Variants in DCAKD observed in about 807,000 individuals in gnomAD.
DCAKD encodes the protein dephospho-CoA kinase domain containing, also known as dephospho-CoA kinase domain-containing protein.
Under a neutral mutation model 18.7 loss-of-function variants are expected in DCAKD, and 15 were observed. The ratio of observed to expected loss-of-function variants is 0.80; its 90% CI spans 0.54 to 1.24. The LOEUF (loss-of-function observed/expected upper bound fraction) is 1.24, where lower values mean the gene tolerates loss of function less well. DCAKD is among the 50% of genes most tolerant of loss of function. DCAKD has a pLI of 0.00. For synonymous variants in DCAKD, 130 were observed against 133.0 expected (o/e 0.98, Z 0.16); for missense variants, 301 against 322.0 (o/e 0.93, Z 0.50).
upstream of DCAKD, among the ~76,000 whole-genome samples, chr17:45,053,443 T>TG (rs2053748280): frequency 6.7e-6 from 1 of 148,334 alleles, no homozygotes; most frequent in African/African-American, 2.5e-5. Flanking sequence ...GCTTTTGAGA[T>TG]GGAGTTTTGC....
chr17:45,029,249 G>A (rs1396651652), intron 4 of DCAKD, among the ~76,000 whole-genome samples: 7 of 152,176 alleles, frequency 4.6e-5, no homozygotes, highest in African/African-American at 9.7e-5. Flanking sequence ...GGCTTTCAAC[G>A]ACAGCCCATG....
At chr17:45,052,350 T>A (rs2053725360), upstream of DCAKD, among the ~76,000 whole-genome samples, 1 of 152,162 alleles carries the variant, frequency 6.6e-6, no homozygotes, top group Non-Finnish European at 1.5e-5. Flanking sequence ...AAGAGCACTT[T>A]GTGGGATTAT....
upstream of DCAKD, among the ~76,000 whole-genome samples, chr17:45,053,191 A>AC (rs1264772489): frequency 7.1e-6 from 1 of 140,450 alleles, no homozygotes; most frequent in East Asian, 2.0e-4. Flanking sequence ...AAAAAAAAAA[A>AC]AAAAACTAGT....
chr17:45,026,936 GAC>G, intron 4 of DCAKD: 1 of 440,360 alleles, frequency 2.3e-6, no homozygotes, highest in Non-Finnish European at 3.0e-6. Context: ...CAGCACCTCC[GAC>G]AGCCCTTCCT....
chr17:45,056,664 G>C (rs1432899969), intron 1 of DCAKD, among the ~76,000 whole-genome samples: 1 of 152,000 alleles, frequency 6.6e-6, no homozygotes, highest in Non-Finnish European at 1.5e-5. Flanking sequence ...TAGTAGAGAC[G>C]GGGTTTCACC....
At chr17:45,047,653 C>T (rs754845381) in intron 1 of DCAKD, among the ~76,000 whole-genome samples, 1 of 151,988 alleles carries the variant, frequency 6.6e-6, no homozygotes, top group Non-Finnish European at 1.5e-5. Flanking sequence ...TACAGGCACA[C>T]GCCACCACAC....
chr17:45,054,411 C>A (rs2053758542), upstream of DCAKD, among the ~76,000 whole-genome samples: 1 of 152,072 alleles, frequency 6.6e-6, no homozygotes, highest in South Asian at 2.1e-4. Flanking sequence ...CCATGCCAGG[C>A]TAATTTTTAC....
In DCAKD at chr17:45,034,997, G is replaced by T; in HGVS notation, c.-112C>A. The T allele has an allele frequency of 8.9e-7, 1 of 1,118,490 alleles. No individual in the cohort carries two copies. The highest frequency in any genetic ancestry group is 2.1e-5 in the Admixed American group (1 of 48,246). The allele number at this position is 1,118,490 out of a possible 1,614,324, so 69.3% of individuals were successfully genotyped here. A position where few individuals can be genotyped will look rare whatever the true frequency, so the allele number is the denominator to read the frequency against. ...CGGTCCACCAGAGGAGTGCCAGAAG[G>T]ACCTGCTTGGGAGAGGCCAGCGGGA... On this transcript the variant is annotated splice_region_variant and 5_prime_UTR_variant, in exon 2 of 5. Coordinates refer to ENST00000651974, the MANE Select transcript of DCAKD (RefSeq NM_001288655.2).
intron 3 of DCAKD, among the ~76,000 whole-genome samples, chr17:45,032,990 T>C (rs1286450091): frequency 6.6e-6 from 1 of 152,158 alleles, no homozygotes; most frequent in African/African-American, 2.4e-5. Context: ...CTCCCACTTC[T>C]GGTGACTGAC....
chr17:45,032,975 T>C (rs1270423873), intron 3 of DCAKD, among the ~76,000 whole-genome samples: 1 of 152,084 alleles, frequency 6.6e-6, no homozygotes, highest in Non-Finnish European at 1.5e-5. Flanking sequence ...CGCCCTCTGT[T>C]CTCCCTCCCA....
At chr17:45,030,476 C>A (rs967063184) in intron 3 of DCAKD, among the ~76,000 whole-genome samples, 1 of 152,168 alleles carries the variant, frequency 6.6e-6, no homozygotes, top group Non-Finnish European at 1.5e-5. Flanking sequence ...GAGGATTCCA[C>A]GAATGAGAAC....
rs2053258494 is a variant in DCAKD at position 45,034,910 on chromosome 17, G to GA, written c.-26dup. The stretch of plus-strand genomic sequence containing the variant: ...TCTTCCAGGAAAGAGAGCTGTCCGC[G>GA]AGACTACGGAGCCAGGAGCTACAGA... On this transcript the variant is annotated 5_prime_UTR_variant, in exon 2 of 5. Coordinates refer to ENST00000651974, the MANE Select transcript of DCAKD (RefSeq NM_001288655.2). 1 of 1,610,948 alleles carries GA rather than the reference G, an allele frequency of 6.2e-7. No homozygotes were observed. The highest frequency in any genetic ancestry group is 8.5e-7 in the Non-Finnish European group (1 of 1,177,590).
At chr17:45,025,994 C>T (rs2053047102) in intron 4 of DCAKD, among the ~76,000 whole-genome samples, 1 of 151,926 alleles carries the variant, frequency 6.6e-6, no homozygotes, top group South Asian at 2.1e-4. Flanking sequence ...TCTCTGCTCA[C>T]TGTAGCCTCT....
At position 45,051,462 on chromosome 17, in the gene DCAKD, G is replaced by T. The variant is rs917934231; in HGVS notation, c.-216C>A. The T allele has an allele frequency of 6.6e-6, 1 of 151,962 alleles. No individual in the cohort carries two copies. Among genetic ancestry groups the T allele is most frequent in the Non-Finnish European group, 1.5e-5 (1 of 67,974 alleles). 9.4% of individuals were successfully genotyped at this position (151,962 alleles called of 1,614,324 possible). The stretch of plus-strand genomic sequence containing the variant: ...GCCGCGAAATTGGGTCGCCCGGGGC[G>T]GTGGCAGCCCCGCGTAGCAGCCGCG... On this transcript the variant is annotated 5_prime_UTR_variant, in exon 1 of 5. Transcript: ENST00000651974.
chr17:45,053,073 G>A (rs1449787007), upstream of DCAKD, among the ~76,000 whole-genome samples: 1 of 146,788 alleles, frequency 6.8e-6, no homozygotes, highest in African/African-American at 2.5e-5. Context: ...TGAGGCAGGA[G>A]GATTGCTTGA....
At chr17:45,031,935 C>T (rs1271878901) in intron 3 of DCAKD, 6 of 985,326 alleles carry the variant, frequency 6.1e-6, no homozygotes, top group Non-Finnish European at 7.2e-6. Context: ...CAGCTGTCGT[C>T]CTCATTTTTC....
rs923524297 is a variant in DCAKD at position 45,034,104 on chromosome 17, A to G, written c.316+83T>C. ...ATCAGCTGGGATAACCAGCTCCCCT[A>G]CCCTGGCCAAACTTTCTGCAGAGGA... On this transcript the variant is annotated intron_variant, in intron 3 of 4. Transcript: ENST00000651974. 36 of 1,605,114 alleles carry G rather than the reference A, an allele frequency of 2.2e-5. No individual in the cohort carries two copies. The African/African-American group carries it at 4.8e-4, about 21-fold the overall frequency.
chr17:45,056,809 C>A (rs535956323), intron 1 of DCAKD, among the ~76,000 whole-genome samples: 204 of 151,704 alleles, frequency 1.3e-3, no homozygotes, highest in African/African-American at 4.8e-3. Context: ...GCTCTGTCAC[C>A]CAGGCTGGAG....
chr17:45,035,611 A>G (rs1369073355), intron 1 of DCAKD, among the ~76,000 whole-genome samples: 2 of 152,058 alleles, frequency 1.3e-5, no homozygotes, highest in Non-Finnish European at 2.9e-5. Flanking sequence ...TTGGAGGCCA[A>G]CTTCCTAGAG....
Sources: allele counts gnomAD v4.1 joint callset (sites outside exome capture counted in the v4.1 genomes callset), GRCh38; gene constraint gnomAD v4.1.1; transcripts MANE v1.5; gene names NCBI Gene and HGNC (gene_info 2026-07-23, HGNC 2026-07-21).